CFAP97D2: variants seen among roughly 807,000 people sequenced by gnomAD.
The protein encoded by CFAP97D2 is CFAP97 domain containing 2, also known as uncharacterized protein CFAP97D2.
At position 114,211,760 on chromosome 13, in the gene CFAP97D2, G is replaced by C. The variant is rs1453746014; in HGVS notation, c.291-152G>C. ...CCAGCAGCTCCCACTCCAGCACCTGGAGAACCGGTTTCTTAAATGTTGGTT... is the reference window on the plus strand; with the variant it reads ...CCAGCAGCTCCCACTCCAGCACCTGCAGAACCGGTTTCTTAAATGTTGGTT... On this transcript the variant is annotated intron_variant, in intron 3 of 4. Coordinates refer to ENST00000646158, the Ensembl canonical transcript of CFAP97D2. The surrounding 1 kb of genome is among the most constrained non-coding windows in gnomAD (Gnocchi z 4.2). 6.6e-6 allele frequency among the ~76,000 whole-genome samples: 1 copy of C among 152,208 alleles called. No individual in the cohort carries two copies. Among genetic ancestry groups the C allele is most frequent in the East Asian group, 1.9e-4 (1 of 5,200 alleles).
chr13:114,184,995 A>T (rs2080849623), intron 1 of CFAP97D2, among the ~76,000 whole-genome samples: 1 of 152,212 alleles, frequency 6.6e-6, no homozygotes, highest in African/African-American at 2.4e-5. Flanking sequence ...CACTGTCATC[A>T]TGTCAGTTGC....
chr13:114,218,157 T>C (rs1468624449), intron 4 of CFAP97D2, among the ~76,000 whole-genome samples: 1 of 152,220 alleles, frequency 6.6e-6, no homozygotes, highest in Non-Finnish European at 1.5e-5. Context: ...CTCCTTAAGC[T>C]GATAAGCAAC....
intron 4 of CFAP97D2, among the ~76,000 whole-genome samples, chr13:114,219,941 T>C (rs2081012747): frequency 6.6e-6 from 1 of 151,756 alleles, no homozygotes; most frequent in East Asian, 1.9e-4. Context: ...GGGTCTGCAG[T>C]TTTGAACTAC....
intron 3 of CFAP97D2, among the ~76,000 whole-genome samples, chr13:114,201,039 C>A (rs910883500): frequency 6.6e-6 from 1 of 152,154 alleles, no homozygotes; most frequent in Non-Finnish European, 1.5e-5. Flanking sequence ...TCTTTCATAA[C>A]CTCACTTTTC....
chr13:114,201,408 G>A (rs1189400282), intron 3 of CFAP97D2, among the ~76,000 whole-genome samples: 1 of 152,180 alleles, frequency 6.6e-6, no homozygotes, highest in African/African-American at 2.4e-5. Flanking sequence ...GGTACCTCGA[G>A]GTGTGTGATA....
rs371604680 is a variant in CFAP97D2 at position 114,179,433 on chromosome 13, C to A, written c.90+13C>A. ...CCACAGGAGAAAGGTAGGAAAGTCC[C>A]CAATCCAGCCCTGACAGCTCAGCGG... On this transcript the variant is annotated intron_variant, in intron 1 of 4. Coordinates refer to ENST00000646158, the Ensembl canonical transcript of CFAP97D2. This position sits in a 1 kb window ranked among gnomAD's most constrained non-coding sequence, Gnocchi z 4.8. The A allele has an allele frequency of 5.0e-5, 20 of 398,616 alleles. No homozygotes were observed. Among genetic ancestry groups the A allele is most frequent in the African/African-American group, 4.1e-4 (20 of 48,734 alleles). 24.7% of individuals were successfully genotyped at this position (398,616 alleles called of 1,614,324 possible). A position where few individuals can be genotyped will look rare whatever the true frequency, so the allele number is the denominator to read the frequency against.
At chr13:114,212,087 A>T (rs1219604232) in exon 4 of CFAP97D2, 1 of 398,638 alleles carries the variant, frequency 2.5e-6, no homozygotes, top group African/African-American at 2.1e-5. Flanking sequence ...GACAGCAGAT[A>T]CGCCTAGCAA....
chr13:114,212,202 C>G (rs1476877997), intron 4 of CFAP97D2: 1 of 397,234 alleles, frequency 2.5e-6, no homozygotes. Context: ...CATTCTTTGC[C>G]GTATTAGAGC....
At chr13:114,180,849 C>T (rs763256989) in intron 1 of CFAP97D2, among the ~76,000 whole-genome samples, 40 of 152,226 alleles carry the variant, frequency 2.6e-4, no homozygotes, top group African/African-American at 9.4e-4. Flanking sequence ...AGTAATCCTG[C>T]AGCCTAAGTG....
At chr13:114,195,417 G>A (rs1403856601) in intron 1 of CFAP97D2, among the ~76,000 whole-genome samples, 1 of 152,156 alleles carries the variant, frequency 6.6e-6, no homozygotes, top group Admixed American at 6.6e-5. Flanking sequence ...CATTGCACGT[G>A]GGTTCAGTCC....
At chr13:114,221,502 A>T (rs1435262006) in intron 4 of CFAP97D2, among the ~76,000 whole-genome samples, 1 of 152,226 alleles carries the variant, frequency 6.6e-6, no homozygotes, top group African/African-American at 2.4e-5. Context: ...GTGCATGAGA[A>T]GATGTTCAAT....
chr13:114,181,928 C>G (rs1020106705), intron 1 of CFAP97D2, among the ~76,000 whole-genome samples: 3 of 152,074 alleles, frequency 2.0e-5, no homozygotes, highest in Admixed American at 1.3e-4. Context: ...GTGGCCTGCC[C>G]CTCCACACCT....
rs2080965735 is a variant in CFAP97D2 at position 114,211,327 on chromosome 13, C to T, written c.291-585C>T. Reference sequence around the variant, plus strand: ...CCCTCCCACTTCATGCTCCCCAGTCCAGCCCCAGCCTGTCCACAGGGGTCT... The same window carrying T: ...CCCTCCCACTTCATGCTCCCCAGTCTAGCCCCAGCCTGTCCACAGGGGTCT... On this transcript the variant is annotated intron_variant, in intron 3 of 4. Coordinates refer to ENST00000646158, the Ensembl canonical transcript of CFAP97D2. This position sits in a 1 kb window ranked among gnomAD's most constrained non-coding sequence, Gnocchi z 4.2. Among the ~76,000 whole-genome samples the T allele has an allele frequency of 6.6e-6, 1 of 152,210 alleles. No homozygotes were observed. The highest frequency in any genetic ancestry group is 6.5e-5 in the Admixed American group (1 of 15,286).
At chr13:114,215,976 G>A (rs978581765) in intron 4 of CFAP97D2, 2 of 152,224 alleles carry the variant, frequency 1.3e-5, no homozygotes, top group African/African-American at 4.8e-5. Context: ...CCTGCAGGAA[G>A]TTTTGGGGAT....
Position 114,192,082 on chromosome 13 carries a change from G to A in CFAP97D2, c.91-4314G>A, listed in dbSNP as rs181399627. 8.9e-3 allele frequency among the ~76,000 whole-genome samples: 1,345 copies of A among 151,760 alleles called. 61 individuals are homozygous for A. The highest frequency in any genetic ancestry group is 0.065 in the Admixed American group (982 of 15,064). The stretch of plus-strand genomic sequence containing the variant: ...CGGGTGGGTGGGTGGGTGGGGGGAG[G>A]AAGGAAGAGCTGGAGCACAGAGGAT... On this transcript the variant is annotated intron_variant, in intron 1 of 4. Coordinates refer to ENST00000646158, the Ensembl canonical transcript of CFAP97D2.
intron 2 of CFAP97D2, among the ~76,000 whole-genome samples, chr13:114,199,095 G>A (rs1421225087): frequency 9.0e-5 from 6 of 66,862 alleles, no homozygotes; most frequent in Non-Finnish European, 1.3e-4. Context: ...TACGGTCCCC[G>A]CTGAGGCGTG....
rs2080848939 is a variant in CFAP97D2, at chr13:114,184,696, CAGTT to C, written c.90+5277_90+5280del. Among the ~76,000 whole-genome samples, 17 of 152,342 alleles carry C rather than the reference CAGTT, an allele frequency of 1.1e-4. No individual in the cohort carries two copies. In the South Asian group the frequency reaches 3.5e-3, roughly 32 times the overall value. On this transcript the variant is annotated intron_variant, in intron 1 of 4. Coordinates refer to ENST00000646158, the Ensembl canonical transcript of CFAP97D2. ...TCAAACAAAAATTGAGGAAATCTGT[CAGTT>C]GACCTGCCTTGGAAGAAATAGCAGA...
chr13:114,212,264 G>A (rs760261087), intron 4 of CFAP97D2: 18 of 393,860 alleles, frequency 4.6e-5, no homozygotes, highest in Non-Finnish European at 7.2e-5. Context: ...TCCTGTAACA[G>A]GAGATGCAAA....
intron 1 of CFAP97D2, among the ~76,000 whole-genome samples, chr13:114,183,867 G>A (rs1213043618): frequency 6.6e-6 from 1 of 152,252 alleles, no homozygotes; most frequent in Non-Finnish European, 1.5e-5. Context: ...TGAAAAGCAT[G>A]CTGGACACAG....
Sources: allele counts gnomAD v4.1 joint callset (sites outside exome capture counted in the v4.1 genomes callset), GRCh38; gene constraint gnomAD v4.1.1; non-coding constraint Gnocchi (gnomAD v3.1); transcripts MANE v1.5; gene names NCBI Gene and HGNC (gene_info 2026-07-23, HGNC 2026-07-21).